Variants in ST18 observed in about 807,000 individuals in gnomAD.
ST18 encodes ST18 C2H2C-type zinc finger transcription factor, also known as suppression of tumorigenicity 18 protein.
A neutral mutation model predicts 110.0 loss-of-function variants in ST18; 50 were observed. The ratio of observed to expected loss-of-function variants is 0.45; its 90% CI spans 0.36 to 0.58. The LOEUF (loss-of-function observed/expected upper bound fraction) is 0.58. Among genes scored for constraint, ST18 ranks in the 20% least tolerant of loss-of-function variants. The pLI is 0.00. For missense variants in ST18, 1,306 were observed against 1,280.1 expected (o/e 1.02, Z -0.31); for synonymous variants, 461 against 452.4 (o/e 1.02, Z -0.24).
intron 2 of ST18, among the ~76,000 whole-genome samples, chr8:52,258,677 G>A (rs1009702235): frequency 1.3e-5 from 2 of 152,064 alleles, no homozygotes; most frequent in Non-Finnish European, 2.9e-5. Context: ...TCTGCAAATG[G>A]AAATACTTTT....
chr8:52,314,083 G>T (rs2139774895), intron 2 of ST18, among the ~76,000 whole-genome samples: 1 of 152,330 alleles, frequency 6.6e-6, no homozygotes, highest in African/African-American at 2.4e-5. Context: ...CACCACAGGG[G>T]TAGCAGGGCC....
At chr8:52,190,888 C>T (rs1339822302) in intron 8 of ST18, among the ~76,000 whole-genome samples, 1 of 152,174 alleles carries the variant, frequency 6.6e-6, no homozygotes, top group Admixed American at 6.5e-5. Flanking sequence ...CGGGGCACAC[C>T]ATATCGGTGA....
intron 2 of ST18, among the ~76,000 whole-genome samples, chr8:52,297,865 T>C (rs1381078157): frequency 6.6e-6 from 1 of 152,234 alleles, no homozygotes; most frequent in Non-Finnish European, 1.5e-5. Context: ...ACCACAACTA[T>C]GAGTAAATGA....
intron 22 of ST18, among the ~76,000 whole-genome samples, chr8:52,127,214 C>A (rs2047430775): frequency 6.6e-6 from 1 of 151,972 alleles, no homozygotes; most frequent in African/African-American, 2.4e-5. Flanking sequence ...GCTAATTATT[C>A]TACACTAAGA....
intron 25 of ST18, among the ~76,000 whole-genome samples, chr8:52,113,778 T>A (rs1586019504): frequency 6.6e-6 from 1 of 152,044 alleles, no homozygotes; most frequent in Middle Eastern, 3.4e-3. Flanking sequence ...ACTTAAAGAA[T>A]TTAAGATTTG....
intron 2 of ST18, among the ~76,000 whole-genome samples, chr8:52,302,414 G>C (rs2095740477): frequency 6.6e-6 from 1 of 152,186 alleles, no homozygotes; most frequent in Non-Finnish European, 1.5e-5. Context: ...ATGCATGCCT[G>C]TATTTATGTG....
chr8:52,402,413 G>A (rs1196615810), intron 2 of ST18, among the ~76,000 whole-genome samples: 1 of 152,156 alleles, frequency 6.6e-6, no homozygotes, highest in African/African-American at 2.4e-5. Context: ...GCCAAGGACT[G>A]TGACTCTAAG....
chr8:52,326,050 A>G (rs548537123), intron 2 of ST18, among the ~76,000 whole-genome samples: 8 of 152,354 alleles, frequency 5.3e-5, no homozygotes, highest in East Asian at 1.9e-4. Flanking sequence ...ACCCACATCC[A>G]TAGTTAACTA....
chr8:52,289,743 T>C (rs907540722), intron 2 of ST18, among the ~76,000 whole-genome samples: 10 of 152,160 alleles, frequency 6.6e-5, no homozygotes, highest in Non-Finnish European at 1.3e-4. Context: ...ACCCTCCACA[T>C]TGCAGGGGCT....
intron 2 of ST18, among the ~76,000 whole-genome samples, chr8:52,322,461 C>T (rs1435109007): frequency 6.6e-6 from 1 of 152,160 alleles, no homozygotes; most frequent in Non-Finnish European, 1.5e-5. Flanking sequence ...TGATATCTGA[C>T]CGACTTGTTT....
At chr8:52,407,512 T>C (rs1844937768) in intron 2 of ST18, 1 of 152,196 alleles carries the variant, frequency 6.6e-6, no homozygotes, top group Non-Finnish European at 1.5e-5. Context: ...ACATGACTAA[T>C]ACTAGACTTC....
chr8:52,212,374 T>C (rs541963818), intron 7 of ST18, among the ~76,000 whole-genome samples: 2 of 152,228 alleles, frequency 1.3e-5, no homozygotes, highest in Non-Finnish European at 1.5e-5. Context: ...TAGAGATTCA[T>C]TGAAAATTCA....
chr8:52,291,853 C>A (rs1314994677), intron 2 of ST18, among the ~76,000 whole-genome samples: 1 of 152,116 alleles, frequency 6.6e-6, no homozygotes, highest in Non-Finnish European at 1.5e-5. Flanking sequence ...TGGCTCACTG[C>A]AGCCTCGACC....
intron 8 of ST18, among the ~76,000 whole-genome samples, chr8:52,207,363 G>A (rs989459039): frequency 6.6e-6 from 1 of 152,084 alleles, no homozygotes; most frequent in Non-Finnish European, 1.5e-5. Context: ...GTGGTGGCGC[G>A]TGCCTGTAGT....
intron 2 of ST18, among the ~76,000 whole-genome samples, chr8:52,263,263 G>C (rs757680779): frequency 6.6e-6 from 1 of 152,132 alleles, no homozygotes; most frequent in Non-Finnish European, 1.5e-5. Flanking sequence ...CCATCTCCCA[G>C]GTAGATATAC....
chr8:52,262,521 T>G (rs1481489823), intron 2 of ST18, among the ~76,000 whole-genome samples: 21 of 152,242 alleles, frequency 1.4e-4, no homozygotes, highest in Admixed American at 1.4e-3. Context: ...ATCTGAGTCC[T>G]GAATGACTAT....
intron 2 of ST18, among the ~76,000 whole-genome samples, chr8:52,239,138 C>A (rs2093100000): frequency 6.6e-6 from 1 of 152,048 alleles, no homozygotes. Flanking sequence ...CCAGAATAAG[C>A]AAATCTATAG....
chr8:52,197,312 A>G (rs1166846120), intron 8 of ST18, among the ~76,000 whole-genome samples: 1 of 152,210 alleles, frequency 6.6e-6, no homozygotes, highest in African/African-American at 2.4e-5. Flanking sequence ...ACAACCTAAA[A>G]AAATTATCTC....
At chr8:52,130,010 C>T (rs2048587279) in intron 22 of ST18, among the ~76,000 whole-genome samples, 1 of 150,546 alleles carries the variant, frequency 6.6e-6, no homozygotes, top group African/African-American at 2.5e-5. Context: ...GAGCCCACTG[C>T]ACTCCAGCAT....
Sources: gnomAD v4.1 joint callset for allele counts (sites outside exome capture counted in the v4.1 genomes callset) on GRCh38, gnomAD v4.1.1 for gene constraint, MANE v1.5 for transcripts, NCBI Gene and HGNC (gene_info 2026-07-23, HGNC 2026-07-21) for gene names.